Variants in EXOC6B observed in about 807,000 individuals in gnomAD.
EXOC6B encodes the protein exocyst complex component 6B.
A neutral mutation model predicts 113.5 loss-of-function variants in EXOC6B; 54 were observed. The ratio of observed to expected loss-of-function variants is 0.48; its 90% CI spans 0.38 to 0.60. The LOEUF (loss-of-function observed/expected upper bound fraction) is 0.60, where lower values mean the gene tolerates loss of function less well. EXOC6B is among the 20% of genes least tolerant of loss of function. The pLI is 0.00. For synonymous variants in EXOC6B, 357 were observed against 339.0 expected, an observed-to-expected ratio of 1.05 and a Z score of -0.58; for missense variants, 797 against 977.5, an observed-to-expected ratio of 0.82 and a Z score of 2.46.
intron 19 of EXOC6B, chr2:72,335,266 G>T: frequency 4.6e-6 from 2 of 439,196 alleles, no homozygotes; most frequent in South Asian, 5.8e-5. Context: ...ATTCCCATGA[G>T]CTGCGCTGGG....
intron 20 of EXOC6B, among the ~76,000 whole-genome samples, chr2:72,214,263 G>A (rs955552874): frequency 1.6e-5 from 2 of 121,356 alleles, no homozygotes; most frequent in South Asian, 2.5e-4. Flanking sequence ...TGAGGCGGGC[G>A]GATCATGAGG....
intron 7 of EXOC6B, among the ~76,000 whole-genome samples, chr2:72,573,319 T>C (rs1454487571): frequency 6.6e-6 from 1 of 152,190 alleles, no homozygotes; most frequent in Non-Finnish European, 1.5e-5. Context: ...ATCTTGTTCA[T>C]GGGTACTCAA....
intron 11 of EXOC6B, among the ~76,000 whole-genome samples, chr2:72,507,893 C>A (rs868476614): frequency 6.8e-6 from 1 of 146,920 alleles, no homozygotes; most frequent in Non-Finnish European, 1.5e-5. Context: ...TTTTGTACTG[C>A]GAGATTTAGA....
At chr2:72,441,766 C>T (rs1696214789) in intron 18 of EXOC6B, among the ~76,000 whole-genome samples, 3 of 151,954 alleles carry the variant, frequency 2.0e-5, no homozygotes, top group South Asian at 4.2e-4. Flanking sequence ...CCACCCCCCG[C>T]CCAACAAAAA....
intron 20 of EXOC6B, among the ~76,000 whole-genome samples, chr2:72,299,074 A>G (rs1407989465): frequency 6.6e-6 from 1 of 150,390 alleles, no homozygotes; most frequent in Non-Finnish European, 1.5e-5. Flanking sequence ...TATCCTGAAG[A>G]GTGTTTTCCA....
chr2:72,409,313 T>G (rs1471545088), intron 18 of EXOC6B, among the ~76,000 whole-genome samples: 25 of 152,206 alleles, frequency 1.6e-4, no homozygotes, highest in Admixed American at 1.6e-3. Flanking sequence ...GTGTGGCAAT[T>G]CCTCAGTGAT....
At chr2:72,287,551 G>C (rs999203088) in intron 20 of EXOC6B, among the ~76,000 whole-genome samples, 1 of 151,630 alleles carries the variant, frequency 6.6e-6, no homozygotes, top group Non-Finnish European at 1.5e-5. Flanking sequence ...ATAAACCTCC[G>C]TCAATAATGT....
chr2:72,451,958 T>C (rs753301222), intron 18 of EXOC6B, among the ~76,000 whole-genome samples: 3 of 152,174 alleles, frequency 2.0e-5, no homozygotes, highest in African/African-American at 4.8e-5. Context: ...GTTGCTCATT[T>C]AACTGTGAAC....
chr2:72,513,634 G>A (rs1205305799), intron 10 of EXOC6B, among the ~76,000 whole-genome samples: 2 of 151,688 alleles, frequency 1.3e-5, no homozygotes, highest in African/African-American at 4.8e-5. Context: ...GATCATAAAA[G>A]CTAATATATA....
intron 6 of EXOC6B, among the ~76,000 whole-genome samples, chr2:72,576,615 G>A (rs926092586): frequency 6.6e-6 from 1 of 152,060 alleles, no homozygotes; most frequent in African/African-American, 2.4e-5. Context: ...CTCAAAGCGT[G>A]ACCAAAATGT....
chr2:72,212,209 G>A (rs1680239465), intron 20 of EXOC6B, among the ~76,000 whole-genome samples: 2 of 152,154 alleles, frequency 1.3e-5, no homozygotes, highest in Non-Finnish European at 1.5e-5. Context: ...CTAGATGTAA[G>A]GAGCAAAAAC....
At position 72,179,325 on chromosome 2, in the gene EXOC6B, G is replaced by A. The variant is rs765929670; in HGVS notation, c.*10C>T. On this transcript the variant is annotated 3_prime_UTR_variant, in exon 22 of 22. Transcript: ENST00000272427. ...GCAGCAGGTCGCCTCTGTGGGTCCG[G>A]GGTCACCCTTCATGAGTGGTGGCTG... 3.8e-5 allele frequency: 60 copies of A among 1,597,022 alleles called. No individual in the cohort carries two copies. Among genetic ancestry groups the A allele is most frequent in the Non-Finnish European group, 5.0e-5 (59 of 1,170,936 alleles).
rs1245292548 is a variant in EXOC6B, at chr2:72,487,626, T to G, written c.1665+4692A>C. On this transcript the variant is annotated intron_variant, in intron 16 of 21. Transcript: ENST00000272427. ...CACCCGCCTCAGCCTCCCAAAGTGT[T>G]GGGATCACAGGCGTGAGCCACTGTG... 2.0e-5 allele frequency among the ~76,000 whole-genome samples: 3 copies of G among 152,222 alleles called. No individual in the cohort carries two copies. In the East Asian group the frequency reaches 5.8e-4, roughly 29 times the overall value.
chr2:72,643,613 T>G, intron 6 of EXOC6B, among the ~76,000 whole-genome samples: 1 of 88,870 alleles, frequency 1.1e-5, no homozygotes, highest in Admixed American at 1.6e-4. Flanking sequence ...GGGACTGTTG[T>G]GGGGTGGGGG....
At chr2:72,430,955 T>A (rs1695485113) in intron 18 of EXOC6B, among the ~76,000 whole-genome samples, 1 of 152,200 alleles carries the variant, frequency 6.6e-6, no homozygotes, top group Non-Finnish European at 1.5e-5. Context: ...AACCAATTCA[T>A]GGCTATGGAA....
chr2:72,556,473 A>T (rs1021794413), intron 8 of EXOC6B, among the ~76,000 whole-genome samples: 5 of 152,226 alleles, frequency 3.3e-5, no homozygotes, highest in Non-Finnish European at 5.9e-5. Context: ...GACTACGTTG[A>T]CATGGTTAAA....
At chr2:72,438,054 G>T (rs1695981878) in intron 18 of EXOC6B, among the ~76,000 whole-genome samples, 2 of 151,942 alleles carry the variant, frequency 1.3e-5, no homozygotes, top group Non-Finnish European at 2.9e-5. Context: ...TACACATTAG[G>T]TACTCAATAA....
At chr2:72,257,886 T>C (rs1683447393) in intron 20 of EXOC6B, among the ~76,000 whole-genome samples, 1 of 152,154 alleles carries the variant, frequency 6.6e-6, no homozygotes, top group Admixed American at 6.5e-5. Flanking sequence ...CCAGTCTCTT[T>C]GAAGAGTTGG....
At chr2:72,418,699 T>C (rs1003929816) in intron 18 of EXOC6B, among the ~76,000 whole-genome samples, 9 of 152,192 alleles carry the variant, frequency 5.9e-5, no homozygotes, top group African/African-American at 2.2e-4. Context: ...GTTTGTGTCT[T>C]TAGATCTAAA....
Sources: allele counts gnomAD v4.1 joint callset (sites outside exome capture counted in the v4.1 genomes callset), GRCh38; gene constraint gnomAD v4.1.1; transcripts MANE v1.5; gene names NCBI Gene and HGNC (gene_info 2026-07-23, HGNC 2026-07-21).